The following HPSE2 variants were observed in gnomAD, a reference collection of about 807,000 sequenced individuals.
The protein encoded by HPSE2 is inactive heparanase-2.
HPSE2 carries 38 observed loss-of-function variants against 60.5 expected under a neutral mutation model. The observed-to-expected ratio is 0.63, with a 90% CI of 0.48 to 0.82. HPSE2 has a LOEUF of 0.82. HPSE2 is among the 40% of genes least tolerant of loss of function. The pLI is 0.00. For missense variants in HPSE2, 713 were observed against 740.4 expected (o/e 0.96, Z 0.43); for synonymous variants, 295 against 293.2 (o/e 1.01, Z -0.06).
At chr10:98,620,830 T>C in intron 7 of HPSE2, 122 bp from the exon 8 acceptor site, 2 of 764,728 alleles carry the variant, frequency 2.6e-6, no homozygotes, top group Non-Finnish European at 4.5e-6. Context: ...GGTCATGATT[T>C]GTGCTTTCTT....
At chr10:98,714,984 T>C (rs1436419622) in intron 5 of HPSE2, among the ~76,000 whole-genome samples, 1 of 151,982 alleles carries the variant, frequency 6.6e-6, no homozygotes, top group African/African-American at 2.4e-5. Flanking sequence ...TATAACTTGG[T>C]AAATATGTCC....
At chr10:98,840,117 T>C (rs1417874801) in intron 3 of HPSE2, among the ~76,000 whole-genome samples, 2 of 152,234 alleles carry the variant, frequency 1.3e-5, no homozygotes, top group African/African-American at 2.4e-5. Context: ...TTTATGTCCA[T>C]TGTTCATTTC....
chr10:98,989,553 G>A lies in HPSE2; in HGVS notation c.610+154685C>T, dbSNP rs553049480. ...GGAGATATACCTAATGTTAAAGGAC[G>A]AGTTAATGGGTGCAGCACACCAACA... On this transcript the variant is annotated intron_variant, in intron 3 of 11. Coordinates refer to ENST00000370552, the MANE Select transcript of HPSE2 (RefSeq NM_021828.5). Among the ~76,000 whole-genome samples the A allele has an allele frequency of 1.0e-3, 151 of 151,254 alleles. 1 individual carries two copies. Among genetic ancestry groups the A allele is most frequent in the African/African-American group, 2.7e-3 (112 of 41,226 alleles).
Position 98,941,123 on chromosome 10 carries a change from A to T in HPSE2, c.611-197067T>A, listed in dbSNP as rs937134380. Reference sequence around the variant, plus strand: ...TATCTATGACGAACCCACAGCCAGTATCATCCTGAATGGGCAAAAACTGGA... The same window carrying T: ...TATCTATGACGAACCCACAGCCAGTTTCATCCTGAATGGGCAAAAACTGGA... On this transcript the variant is annotated intron_variant, in intron 3 of 11. Coordinates refer to ENST00000370552, the MANE Select transcript of HPSE2 (RefSeq NM_021828.5). 7.0e-5 allele frequency among the ~76,000 whole-genome samples: 10 copies of T among 142,582 alleles called. 2 individuals are homozygous for T. The highest frequency in any genetic ancestry group is 5.6e-4 in the Admixed American group (8 of 14,278). The allele number at this position is 142,582 out of a possible 152,430, so 93.5% of individuals were successfully genotyped here. A position where few individuals can be genotyped will look rare whatever the true frequency, so the allele number is the denominator to read the frequency against.
At chr10:98,809,172 G>T (rs1951108901) in intron 3 of HPSE2, among the ~76,000 whole-genome samples, 1 of 152,038 alleles carries the variant, frequency 6.6e-6, no homozygotes, top group African/African-American at 2.4e-5. Flanking sequence ...CACTATAGTT[G>T]CATTTGTCTA....
intron 10 of HPSE2, among the ~76,000 whole-genome samples, chr10:98,487,241 T>C (rs996456306): frequency 6.6e-6 from 1 of 152,228 alleles, no homozygotes; most frequent in African/African-American, 2.4e-5. Context: ...AATTTGTTAA[T>C]TCTAGAACAG....
chr10:99,202,080 A>G (rs1848593790), intron 2 of HPSE2, among the ~76,000 whole-genome samples: 1 of 152,210 alleles, frequency 6.6e-6, no homozygotes, highest in Non-Finnish European at 1.5e-5. Context: ...GCCAGAATAC[A>G]ATCTTTACCT....
intron 3 of HPSE2, among the ~76,000 whole-genome samples, chr10:99,074,483 C>A (rs1842897901): frequency 6.6e-6 from 1 of 152,008 alleles, no homozygotes; most frequent in African/African-American, 2.4e-5. Flanking sequence ...ATTTTTGCAT[C>A]TATGTTTATC....
chr10:98,571,802 G>A (rs1410956349), intron 9 of HPSE2, among the ~76,000 whole-genome samples: 2 of 152,144 alleles, frequency 1.3e-5, no homozygotes, highest in African/African-American at 4.8e-5. Flanking sequence ...GGGTCTTTCA[G>A]CCCAGCCTGA....
At chr10:98,881,194 ATT>A (rs1953013108) in intron 3 of HPSE2, among the ~76,000 whole-genome samples, 2 of 152,120 alleles carry the variant, frequency 1.3e-5, no homozygotes, top group Admixed American at 1.3e-4. Context: ...AATTCATAGA[ATT>A]AGCAGGGCTT....
At chr10:99,159,819 A>G (rs1846749355) in intron 2 of HPSE2, among the ~76,000 whole-genome samples, 1 of 152,216 alleles carries the variant, frequency 6.6e-6, no homozygotes. Context: ...ATCGAACTTC[A>G]TCAAGAGTAA....
At chr10:99,194,792 G>T (rs1289717571) in intron 2 of HPSE2, among the ~76,000 whole-genome samples, 1 of 151,954 alleles carries the variant, frequency 6.6e-6, no homozygotes, top group Non-Finnish European at 1.5e-5. Context: ...TGGCTTCACT[G>T]CTGAATTTTA....
intron 3 of HPSE2, among the ~76,000 whole-genome samples, chr10:98,921,278 G>A (rs1361560366): frequency 6.6e-6 from 1 of 152,188 alleles, no homozygotes; most frequent in Non-Finnish European, 1.5e-5. Context: ...ATTGTTGTTA[G>A]TGGAAGCATC....
intron 3 of HPSE2, among the ~76,000 whole-genome samples, chr10:98,836,219 C>T (rs1371420875): frequency 6.6e-6 from 1 of 152,180 alleles, no homozygotes; most frequent in African/African-American, 2.4e-5. Context: ...TTGTCTCATT[C>T]GTGAATTGCT....
At chr10:98,958,009 T>C (rs923404034) in intron 3 of HPSE2, among the ~76,000 whole-genome samples, 5 of 152,028 alleles carry the variant, frequency 3.3e-5, no homozygotes, top group African/African-American at 9.7e-5. Context: ...GCTGGAGAGG[T>C]TGTCTCTTCT....
intron 3 of HPSE2, among the ~76,000 whole-genome samples, chr10:98,794,278 T>A: frequency 6.6e-6 from 1 of 151,472 alleles, no homozygotes; most frequent in East Asian, 1.9e-4. Flanking sequence ...TCTCACTCTG[T>A]CACCGAGGCT....
chr10:99,308,398 G>GAAAAAAAAAAAAAAAAAAAAA, the HPSE2 span, among the ~76,000 whole-genome samples: 16 of 56,444 alleles, frequency 2.8e-4, no homozygotes, highest in South Asian at 2.2e-3. Flanking sequence ...AAAAAAAAAG[G>GAAAAAAAAAAAAAAAAAAAAA]AAACCATCAA....
chr10:98,689,155 C>T (rs960942445), intron 6 of HPSE2, among the ~76,000 whole-genome samples: 7 of 151,960 alleles, frequency 4.6e-5, no homozygotes, highest in Admixed American at 3.3e-4. Context: ...GGGAGAAGTT[C>T]AGCTTTGATT....
chr10:98,468,004 G>A (rs1940618842), intron 11 of HPSE2, among the ~76,000 whole-genome samples: 1 of 152,236 alleles, frequency 6.6e-6, no homozygotes, highest in Non-Finnish European at 1.5e-5. Flanking sequence ...GTCCCCGGCT[G>A]CCCCCGGCCG....
Sources: allele counts gnomAD v4.1 joint callset (sites outside exome capture counted in the v4.1 genomes callset), GRCh38; gene constraint gnomAD v4.1.1; transcripts MANE v1.5; gene names NCBI Gene and HGNC (gene_info 2026-07-23, HGNC 2026-07-21).